RECQL5: variants seen among roughly 807,000 people sequenced by gnomAD.
RECQL5 encodes RecQ like helicase 5, also known as ATP-dependent DNA helicase Q5.
RECQL5 carries 88 observed loss-of-function variants against 103.4 expected under a neutral mutation model. That is an observed-to-expected ratio of 0.85 (90% CI 0.72 to 1.02). The LOEUF (loss-of-function observed/expected upper bound fraction) is 1.02, where lower values mean the gene tolerates loss of function less well. Ranked by LOEUF, RECQL5 falls within the 50% of genes least tolerant of loss-of-function variation. The pLI, the probability that RECQL5 is intolerant of heterozygous loss-of-function variation, is 0.00. For missense variants in RECQL5, 1,232 were observed against 1,284.3 expected, an observed-to-expected ratio of 0.96 and a Z score of 0.62; for synonymous variants, 552 against 507.9, an observed-to-expected ratio of 1.09 and a Z score of -1.17.
chr17:75,650,071 G>A (rs549879364), intron 8 of RECQL5: 1 of 985,726 alleles, frequency 1.0e-6, no homozygotes, highest in African/African-American at 1.7e-5. Flanking sequence ...CAATGAACAG[G>A]AACACTTGGC....
At chr17:75,659,288 T>C (rs1288084275) in intron 6 of RECQL5, among the ~76,000 whole-genome samples, 1 of 152,084 alleles carries the variant, frequency 6.6e-6, no homozygotes, top group African/African-American at 2.4e-5. Context: ...TCTCAATCTG[T>C]TGACCTCATG....
rs776580065 is a variant in RECQL5 at position 75,631,560 on chromosome 17, G to A, written c.1338C>T (p.Ala446=). 37 of 1,612,934 alleles carry A rather than the reference G, an allele frequency of 2.3e-5. No individual in the cohort carries two copies. In the Admixed American group the frequency reaches 6.0e-4, roughly 26 times the overall value. ...TGCTCCAGCTGCTGCTGCGCTCCAA[G>A]GCCTCCAGCCGCCTCCGCACGGCCG... ...NPTAVRRRLE[A]LERSSSWSKT... The change falls in exon 9 of 20, where the codon GCC becomes GCT. Residue 446 remains alanine (A), a synonymous_variant. Transcript: ENST00000317905.
chr17:75,650,544 G>A (rs1283594889), intron 8 of RECQL5: 16 of 1,506,210 alleles, frequency 1.1e-5, no homozygotes, highest in African/African-American at 2.8e-5. Context: ...TCACGTCAGC[G>A]TCATCCGACA....
intron 8 of RECQL5, chr17:75,633,705 C>T: frequency 1.8e-6 from 2 of 1,130,510 alleles, no homozygotes; most frequent in Non-Finnish European, 2.2e-6. Context: ...GGGTGGCCTT[C>T]CTGAGGGCAG....
At chr17:75,645,404 TC>T (rs952501939) in intron 8 of RECQL5, among the ~76,000 whole-genome samples, 20 of 152,348 alleles carry the variant, frequency 1.3e-4, no homozygotes, top group African/African-American at 4.1e-4. Flanking sequence ...GCTGATGACC[TC>T]GGCTAAGTTA....
In RECQL5 at chr17:75,630,205, G is replaced by A. The variant is rs1435181189; in HGVS notation, c.1791C>T (p.Tyr597=). The change falls in exon 14 of 20, where the codon TAC becomes TAT. Residue 597 remains tyrosine (Y), a synonymous_variant. Coordinates refer to ENST00000317905, the MANE Select transcript of RECQL5 (RefSeq NM_004259.7). ...CCACCTTCTTCAGCACGCTGGCCTT[G>A]TAGAGGTTGGCCACCTTGGCGTTCC... is the stretch of plus-strand genomic sequence containing the variant. ...TFRNAKVANL[Y]KASVLKKVAD... 1 of 1,555,902 alleles carries A rather than the reference G, an allele frequency of 6.4e-7. No homozygotes were observed. Among genetic ancestry groups the A allele is most frequent in the Admixed American group, 1.9e-5 (1 of 51,376 alleles).
chr17:75,627,359 G>A lies in RECQL5; in HGVS notation c.*63C>T. ...CGATGGCCCTGGCATCAGCAGGTGA[G>A]GCCCAGGATGACCCATGCTAGAATC... On this transcript the variant is annotated 3_prime_UTR_variant, in exon 20 of 20. Coordinates refer to ENST00000317905, the MANE Select transcript of RECQL5 (RefSeq NM_004259.7). 1 of 1,227,776 alleles carries A rather than the reference G, an allele frequency of 8.1e-7. No individual in the cohort carries two copies. The highest frequency in any genetic ancestry group is 1.2e-6 in the Non-Finnish European group (1 of 834,024). 76.1% of individuals were successfully genotyped at this position (1,227,776 alleles called of 1,614,324 possible). A position where few individuals can be genotyped will look rare whatever the true frequency, so the allele number is the denominator to read the frequency against.
chr17:75,627,804 G>A (rs1388974118), intron 18 of RECQL5, 112 bp from the exon 19 acceptor site: 2 of 897,664 alleles, frequency 2.2e-6, no homozygotes, highest in Non-Finnish European at 3.5e-6. Flanking sequence ...CGGATCATGA[G>A]GTCAGGAGAT....
intron 8 of RECQL5, chr17:75,637,866 AC>A (rs1198125400): frequency 6.6e-6 from 1 of 152,470 alleles, no homozygotes; most frequent in African/African-American, 2.4e-5. Context: ...CCATGGAGAG[AC>A]AGCGTGGGGC....
chr17:75,639,117 T>C (rs1353910405), intron 8 of RECQL5: 2 of 152,198 alleles, frequency 1.3e-5, no homozygotes, highest in Non-Finnish European at 2.9e-5. Context: ...TCACGGTGGT[T>C]CTAAACCAGC....
intron 5 of RECQL5, 69 bp from the exon 6 acceptor site, chr17:75,661,135 G>T: frequency 8.4e-7 from 1 of 1,193,114 alleles, no homozygotes; most frequent in Non-Finnish European, 1.3e-6. Flanking sequence ...CCTATTTTGG[G>T]TTTGACACTG....
intron 7 of RECQL5, among the ~76,000 whole-genome samples, chr17:75,652,850 G>A (rs533675170): frequency 6.6e-6 from 1 of 152,326 alleles, no homozygotes; most frequent in Admixed American, 6.5e-5. Flanking sequence ...GGAAGAAAAA[G>A]CACTTAAGTT....
chr17:75,642,946 T>C (rs2059450370), intron 8 of RECQL5, among the ~76,000 whole-genome samples: 1 of 152,208 alleles, frequency 6.6e-6, no homozygotes, highest in Non-Finnish European at 1.5e-5. Context: ...CTGGTTGCAG[T>C]ACAGATAAGG....
chr17:75,627,323 C>T lies in RECQL5; in HGVS notation c.*99G>A. On this transcript the variant is annotated 3_prime_UTR_variant, in exon 20 of 20. Coordinates refer to ENST00000317905, the MANE Select transcript of RECQL5 (RefSeq NM_004259.7). The stretch of plus-strand genomic sequence containing the variant: ...CAAGTATGGTTGGAAAGGAGAAGGA[C>T]TGAGAAAAGACGATGGCCCTGGCAT... The T allele has an allele frequency of 1.1e-6, 1 of 926,280 alleles. No homozygotes were observed. Among genetic ancestry groups the T allele is most frequent in the East Asian group, 2.4e-5 (1 of 41,602 alleles). 57.4% of individuals were successfully genotyped at this position (926,280 alleles called of 1,614,324 possible). A position where few individuals can be genotyped will look rare whatever the true frequency, so the allele number is the denominator to read the frequency against.
intron 6 of RECQL5, among the ~76,000 whole-genome samples, chr17:75,659,429 C>A (rs941262646): frequency 1.3e-5 from 2 of 152,180 alleles, no homozygotes; most frequent in Non-Finnish European, 2.9e-5. Flanking sequence ...ACAATCACAG[C>A]TCATTGCAGC....
chr17:75,631,312 G>C, intron 9 of RECQL5, 63 bp from the exon 10 acceptor site: 1 of 1,563,380 alleles, frequency 6.4e-7, no homozygotes, highest in Non-Finnish European at 8.8e-7. Context: ...GTGTGCTGCT[G>C]CTAGAACGGC....
intron 4 of RECQL5, 79 bp downstream of exon 4, chr17:75,662,400 G>T: frequency 6.8e-7 from 1 of 1,472,506 alleles, no homozygotes; most frequent in Admixed American, 2.0e-5. Flanking sequence ...AAAACCAAAG[G>T]TCTTAGACTA....
chr17:75,651,394 G>A (rs979855146), intron 7 of RECQL5, 129 bp from the exon 8 acceptor site: 8 of 1,043,502 alleles, frequency 7.7e-6, no homozygotes, highest in Admixed American at 3.7e-5. Flanking sequence ...GGCTGAGCCA[G>A]GAGGATCATT....
At chr17:75,631,060 C>G (rs1456213502) in intron 10 of RECQL5, 50 bp from the exon 11 acceptor site, 2 of 1,612,186 alleles carry the variant, frequency 1.2e-6, no homozygotes, top group African/African-American at 1.3e-5. Flanking sequence ...TGCCGCAGGA[C>G]AGTCCCATCC....
Sources: gnomAD v4.1 joint callset for allele counts (sites outside exome capture counted in the v4.1 genomes callset) on GRCh38, gnomAD v4.1.1 for gene constraint, MANE v1.5 for transcripts, NCBI Gene and HGNC (gene_info 2026-07-23, HGNC 2026-07-21) for gene names.